Variants in GRIA1 observed in about 807,000 individuals in gnomAD.
The protein encoded by GRIA1 is glutamate receptor 1.
GRIA1 carries 31 observed loss-of-function variants against 99.2 expected under a neutral mutation model. That is an observed-to-expected ratio of 0.31 (90% CI 0.23 to 0.42). The LOEUF (loss-of-function observed/expected upper bound fraction) is 0.42, where lower values mean the gene tolerates loss of function less well. Ranked by LOEUF, GRIA1 falls within the 10% of genes least tolerant of loss-of-function variation. The pLI, the probability that GRIA1 is intolerant of heterozygous loss-of-function variation, is 1.00. For synonymous variants in GRIA1, 438 were observed against 432.4 expected (o/e 1.01, Z -0.16); for missense variants, 782 against 1,157.5 (o/e 0.68, Z 4.71).
At chr5:153,535,573 T>A (rs1236344814) in intron 2 of GRIA1, among the ~76,000 whole-genome samples, 3 of 152,202 alleles carry the variant, frequency 2.0e-5, no homozygotes, top group Non-Finnish European at 4.4e-5. Flanking sequence ...GGACATGTGT[T>A]TAGGTGAGTA....
chr5:153,575,977 A>T (rs918861165), intron 2 of GRIA1, among the ~76,000 whole-genome samples: 14 of 152,216 alleles, frequency 9.2e-5, no homozygotes, highest in Non-Finnish European at 1.9e-4. Flanking sequence ...ACTGTTACCA[A>T]TTCAAATTAG....
At chr5:153,530,086 C>T (rs1466290857) in intron 2 of GRIA1, among the ~76,000 whole-genome samples, 1 of 152,158 alleles carries the variant, frequency 6.6e-6, no homozygotes, top group Admixed American at 6.6e-5. Context: ...TTGTGCTGTG[C>T]CCAGCTCTGC....
chr5:153,802,868 T>C (rs1194727065), intron 15 of GRIA1, among the ~76,000 whole-genome samples: 1 of 152,188 alleles, frequency 6.6e-6, no homozygotes, highest in African/African-American at 2.4e-5. Context: ...ATGTCTACCC[T>C]CTACTCTGTG....
At chr5:153,670,822 T>A (rs930957817) in intron 5 of GRIA1, among the ~76,000 whole-genome samples, 1 of 152,144 alleles carries the variant, frequency 6.6e-6, no homozygotes, top group African/African-American at 2.4e-5. Context: ...CCCTTCTTAG[T>A]CAAGAACACA....
chr5:153,752,915 G>T (rs946607459), intron 11 of GRIA1, among the ~76,000 whole-genome samples: 1 of 152,174 alleles, frequency 6.6e-6, no homozygotes, highest in African/African-American at 2.4e-5. Flanking sequence ...AGCTAGTGGA[G>T]GTTAGAGAGA....
intron 11 of GRIA1, among the ~76,000 whole-genome samples, chr5:153,742,237 C>T (rs537658806): frequency 6.6e-6 from 1 of 152,060 alleles, no homozygotes; most frequent in Non-Finnish European, 1.5e-5. Flanking sequence ...TATGGGGAAG[C>T]AAGATAAGAA....
At chr5:153,589,576 C>T (rs778818) in intron 2 of GRIA1, among the ~76,000 whole-genome samples, 149,049 of 152,252 alleles carry the variant, frequency 0.98, 73,004 homozygotes, top group East Asian at 1. Context: ...AACATGTGCT[C>T]GCTTGTTTGT....
chr5:153,647,592 A>G (rs1289799364), intron 3 of GRIA1, among the ~76,000 whole-genome samples: 1 of 152,174 alleles, frequency 6.6e-6, no homozygotes, highest in Non-Finnish European at 1.5e-5. Context: ...TATAATGAGG[A>G]TAAAAACAAT....
Position 153,618,360 on chromosome 5 carries a change from T to C in GRIA1, c.221-28568T>C, listed in dbSNP as rs911390963. 9.2e-5 allele frequency among the ~76,000 whole-genome samples: 14 copies of C among 152,186 alleles called. 1 individual carries two copies. The highest frequency in any genetic ancestry group is 7.9e-4 in the Admixed American group (12 of 15,280). ...AGTTTTCTAAGCCAGATGAAAAAAA[T>C]TGCATCATTCTTGCACCCTGCAGGC... On this transcript the variant is annotated intron_variant, in intron 2 of 15. Transcript: ENST00000285900.
At chr5:153,544,612 A>G (rs1759438115) in intron 2 of GRIA1, among the ~76,000 whole-genome samples, 1 of 152,244 alleles carries the variant, frequency 6.6e-6, no homozygotes, top group Non-Finnish European at 1.5e-5. Context: ...AAGATAAAAT[A>G]AATTACCAAC....
intron 11 of GRIA1, among the ~76,000 whole-genome samples, chr5:153,710,774 C>T (rs1158442319): frequency 1.3e-5 from 2 of 152,154 alleles, no homozygotes; most frequent in African/African-American, 4.8e-5. Flanking sequence ...GGAGCCTTTG[C>T]TTCAAGGAGC....
At chr5:153,499,660 G>GA (rs1436297361) in intron 2 of GRIA1, among the ~76,000 whole-genome samples, 3 of 139,434 alleles carry the variant, frequency 2.2e-5, no homozygotes, top group Non-Finnish European at 3.1e-5. Flanking sequence ...TATGGACAGA[G>GA]AAAAGTACCA....
At chr5:153,684,960 C>T (rs1757241363) in intron 7 of GRIA1, among the ~76,000 whole-genome samples, 1 of 152,144 alleles carries the variant, frequency 6.6e-6, no homozygotes, top group Admixed American at 6.6e-5. Flanking sequence ...AACACACACA[C>T]ATGCACACAC....
At chr5:153,647,205 T>C in intron 3 of GRIA1, 38 bp downstream of exon 3, 1 of 1,600,870 alleles carries the variant, frequency 6.2e-7, no homozygotes, top group Non-Finnish European at 8.5e-7. Flanking sequence ...TTTTGAGGGA[T>C]GGAGAGAAAA....
chr5:153,725,108 A>G (rs942015204), intron 11 of GRIA1, among the ~76,000 whole-genome samples: 1 of 152,106 alleles, frequency 6.6e-6, no homozygotes, highest in Non-Finnish European at 1.5e-5. Context: ...TTCTTACAGA[A>G]AAGAATTTTC....
At chr5:153,809,839 C>A (rs963831348) in intron 15 of GRIA1, among the ~76,000 whole-genome samples, 4 of 152,164 alleles carry the variant, frequency 2.6e-5, no homozygotes, top group Non-Finnish European at 4.4e-5. Flanking sequence ...GCACTTACAG[C>A]AGGCTGGTGT....
chr5:153,733,195 A>C (rs1345041016), intron 11 of GRIA1, among the ~76,000 whole-genome samples: 2 of 152,062 alleles, frequency 1.3e-5, no homozygotes. Context: ...GTGACATCAA[A>C]AACAAAATGA....
At chr5:153,808,651 A>G (rs1056521202) in intron 15 of GRIA1, among the ~76,000 whole-genome samples, 14 of 152,128 alleles carry the variant, frequency 9.2e-5, no homozygotes, top group African/African-American at 3.4e-4. Context: ...TTTCCCCAAA[A>G]CTCCCTGGAT....
At chr5:153,745,887 T>A (rs145994433) in intron 11 of GRIA1, among the ~76,000 whole-genome samples, 22 of 152,304 alleles carry the variant, frequency 1.4e-4, no homozygotes, top group Middle Eastern at 6.8e-3. Context: ...TTTTCCCATG[T>A]CATCTTTCAC....
Sources: allele counts gnomAD v4.1 joint callset (sites outside exome capture counted in the v4.1 genomes callset), GRCh38; gene constraint gnomAD v4.1.1; transcripts MANE v1.5; gene names NCBI Gene and HGNC (gene_info 2026-07-23, HGNC 2026-07-21).